The following FCN1 variants were observed in gnomAD, a reference collection of about 807,000 sequenced individuals.
FCN1 encodes ficolin-1.
In FCN1, 42 loss-of-function variants were observed where a neutral mutation model predicts 35.6. That is an observed-to-expected ratio of 1.18 (90% CI 0.92 to 1.53). The LOEUF (loss-of-function observed/expected upper bound fraction) is 1.53, where lower values mean the gene tolerates loss of function less well. FCN1 is among the 40% of genes most tolerant of loss of function. The pLI is 0.00. For missense variants in FCN1, 439 were observed against 428.4 expected, an observed-to-expected ratio of 1.02 and a Z score of -0.22; for synonymous variants, 179 against 169.8, an observed-to-expected ratio of 1.05 and a Z score of -0.42.
At position 134,907,134 on chromosome 9, in the gene FCN1, T is replaced by A. The variant is rs1588653802; in HGVS notation, c.*2664A>T. ...TATATTTATATTAATCATATTTATA[T>A]TTTATATTTATACTAATCATTTCTA... On this transcript the variant is annotated 3_prime_UTR_variant, in exon 9 of 9. Transcript: ENST00000371806. 6.6e-6 allele frequency: 1 copy of A among 152,144 alleles called. No homozygotes were observed. Among genetic ancestry groups the A allele is most frequent in the South Asian group, 2.1e-4 (1 of 4,834 alleles). The allele number at this position is 152,144 out of a possible 1,614,324, so 9.4% of individuals were successfully genotyped here. A position where few individuals can be genotyped will look rare whatever the true frequency, so the allele number is the denominator to read the frequency against.
At position 134,913,613 on chromosome 9, in the gene FCN1, C is replaced by T. The variant is rs1237445092; in HGVS notation, c.308G>A (p.Gly103Glu). The T allele has an allele frequency of 6.2e-7, 1 of 1,605,606 alleles. No homozygotes were observed. The highest frequency in any genetic ancestry group is 2.2e-5 in the East Asian group (1 of 44,754). Residue 103 changes from glycine (G) to glutamate (E), a missense_variant and splice_region_variant, in exon 5 of 9, where the codon GGA (glycine) becomes GAA (glutamate). Transcript: ENST00000371806. ...RGEKGMRGEK[G>E]DAGQSQSCAT... is the part of the protein sequence containing the mutation. ...ACACGACTGAGACTGCCCAGCGTCT[C>T]CTGTGTGGGGAGAGGAGACACTTGT...
rs1831019180 is a variant in FCN1, at chr9:134,911,223, G to T, written c.643C>A (p.His215Asn). Residue 215 changes from histidine to asparagine, a missense_variant, in exon 8 of 9, where the codon CAC (histidine) becomes AAC (asparagine). Transcript: ENST00000371806. ...RVDLVDFEGN[H>N]QFAKYKSFKV... Reference sequence around the variant, plus strand: ...AATGATTTGTACTTAGCAAACTGGTGGTTGCCCTCAAAGTCCACCAGGTCT... The same window carrying T: ...AATGATTTGTACTTAGCAAACTGGTTGTTGCCCTCAAAGTCCACCAGGTCT... The T allele has an allele frequency of 6.2e-7, 1 of 1,611,658 alleles. No individual in the cohort carries two copies. Among genetic ancestry groups the T allele is most frequent in the East Asian group, 2.2e-5 (1 of 44,694 alleles).
At position 134,910,004 on chromosome 9, in the gene FCN1, T is replaced by C. The variant is rs2118933660; in HGVS notation, c.775A>G (p.Lys259Glu). The change falls in exon 9 of 9, where the codon AAA (lysine) becomes GAA (glutamate). Residue 259 changes from lysine to glutamate, a missense_variant. Transcript: ENST00000371806. Reference sequence around the variant, plus strand: ...GAACTCACATCATTGTCTTGGTCTTTGGTGGAGAAGAAGTTGTTGTTGTGG... The same window carrying C: ...GAACTCACATCATTGTCTTGGTCTTCGGTGGAGAAGAAGTTGTTGTTGTGG... ...TGHNNNFFST[K>E]DQDNDVSSSN... The C allele has an allele frequency of 1.2e-6, 2 of 1,614,108 alleles. No individual in the cohort carries two copies. Among genetic ancestry groups the C allele is most frequent in the African/African-American group, 1.3e-5 (1 of 75,026 alleles).
At position 134,905,316 on chromosome 9, in the gene FCN1, A is replaced by G. The variant is rs115734399; in HGVS notation, c.*4482T>C. On this transcript the variant is annotated 3_prime_UTR_variant, in exon 9 of 9. Transcript: ENST00000371806. ...GCCCACGCCTACACTCCTACTTGAG[A>G]GGTCCCATGGCCAGGAAGAAGAGCA... is the stretch of plus-strand genomic sequence containing the variant. Among the ~76,000 whole-genome samples the G allele has an allele frequency of 2.0e-3, 312 of 152,338 alleles. 2 individuals are homozygous for G. The highest frequency in any genetic ancestry group is 7.3e-3 in the African/African-American group (305 of 41,574).
At chr9:134,911,004 G>C (rs1037696647) in intron 8 of FCN1, 129 bp downstream of exon 8, 1 of 971,934 alleles carries the variant, frequency 1.0e-6, no homozygotes, top group African/African-American at 1.6e-5. Flanking sequence ...ACAAATGCTA[G>C]TGTCTGCTTC....
At chr9:134,917,621 C>A (rs1240563726) in intron 1 of FCN1, 148 bp downstream of exon 1, 1 of 599,090 alleles carries the variant, frequency 1.7e-6, no homozygotes, top group Non-Finnish European at 3.1e-6. Context: ...CTGCCCTGAG[C>A]CTCCATGTCC....
At position 134,905,379 on chromosome 9, in the gene FCN1, C is replaced by T. The variant is rs1322166788; in HGVS notation, c.*4419G>A. Among the ~76,000 whole-genome samples, 1 of 152,240 alleles carries T rather than the reference C, an allele frequency of 6.6e-6. No homozygotes were observed. The highest frequency in any genetic ancestry group is 2.4e-5 in the African/African-American group (1 of 41,464). ...GAGGAGGGCTTGATTTCTTTTCACC[C>T]ATTCAGCTTTATCCCTCAAATCACA... is the stretch of plus-strand genomic sequence containing the variant. On this transcript the variant is annotated 3_prime_UTR_variant, in exon 9 of 9. Transcript: ENST00000371806.
In FCN1 at chr9:134,906,232, T is replaced by A. The variant is rs1320886490; in HGVS notation, c.*3566A>T. ...CTAGGATTACAGGCGTGAGCCACTG[T>A]GCCCAGCCTGCTTTGCTTCTTAAAA... On this transcript the variant is annotated 3_prime_UTR_variant, in exon 9 of 9. Coordinates refer to ENST00000371806, the MANE Select transcript of FCN1 (RefSeq NM_002003.5). 1 of 152,060 alleles carries A rather than the reference T, an allele frequency of 6.6e-6. No individual in the cohort carries two copies. Among genetic ancestry groups the A allele is most frequent in the Non-Finnish European group, 1.5e-5 (1 of 68,026 alleles). 9.4% of individuals were successfully genotyped at this position (152,060 alleles called of 1,614,324 possible). A position where few individuals can be genotyped will look rare whatever the true frequency, so the allele number is the denominator to read the frequency against.
In FCN1 at chr9:134,909,047, A is replaced by G; in HGVS notation, c.*751T>C. The G allele has an allele frequency of 2.5e-6, 1 of 405,856 alleles. No homozygotes were observed. Among genetic ancestry groups the G allele is most frequent in the Non-Finnish European group, 4.4e-6 (1 of 226,898 alleles). The allele number at this position is 405,856 out of a possible 1,614,324, so 25.1% of individuals were successfully genotyped here. ...TGGGAGCTGGAGAAGCCCCTTCTCC[A>G]TCATCTCCTAGAAGCCTTGTGCAGC... On this transcript the variant is annotated 3_prime_UTR_variant, in exon 9 of 9. Coordinates refer to ENST00000371806, the MANE Select transcript of FCN1 (RefSeq NM_002003.5).
At chr9:134,912,367 GT>G in intron 7 of FCN1, 118 bp downstream of exon 7, 1 of 1,044,174 alleles carries the variant, frequency 9.6e-7, no homozygotes, top group Non-Finnish European at 1.4e-6. Context: ...TGCCACCTGA[GT>G]GTGCTCAGGG....
rs1212410661 is a variant in FCN1 at position 134,912,163 on chromosome 9, G to C, written c.598+323C>G. Reference sequence around the variant, plus strand: ...CCATGGGACTAAGATGCCAGCTTCAGAGGCAGATCAACAGCTGGAGATGGG... The same window carrying C: ...CCATGGGACTAAGATGCCAGCTTCACAGGCAGATCAACAGCTGGAGATGGG... On this transcript the variant is annotated intron_variant, in intron 7 of 8. Transcript: ENST00000371806. Among the ~76,000 whole-genome samples the C allele has an allele frequency of 2.0e-5, 3 of 152,170 alleles. No individual in the cohort carries two copies. The East Asian group carries it at 5.8e-4, about 29-fold the overall frequency.
Position 134,914,368 on chromosome 9 carries a change from G to A in FCN1, c.307+17C>T. 1.2e-6 allele frequency: 2 copies of A among 1,613,006 alleles called. No individual in the cohort carries two copies. The highest frequency in any genetic ancestry group is 1.7e-6 in the Non-Finnish European group (2 of 1,178,964). ...AAAGCCTGCAGAGACAACTGCCTGG[G>A]CCCACGGGTGGCTCACCTTTCTCTC... On this transcript the variant is annotated intron_variant, in intron 4 of 8. Transcript: ENST00000371806.
Position 134,909,390 on chromosome 9 carries a change from GT to G in FCN1, c.*407del. 1 of 1,290,098 alleles carries G rather than the reference GT, an allele frequency of 7.8e-7. No homozygotes were observed. Among genetic ancestry groups the G allele is most frequent in the Non-Finnish European group, 1.0e-6 (1 of 988,954 alleles). The allele number at this position is 1,290,098 out of a possible 1,614,324, so 79.9% of individuals were successfully genotyped here. On this transcript the variant is annotated 3_prime_UTR_variant, in exon 9 of 9. Transcript: ENST00000371806. Reference sequence around the variant, plus strand: ...TGGGGGTGGAGGTGAGGATCGCCCTGTGTCAATTACTGGAGGTGGAAAATCC... The same window carrying G: ...TGGGGGTGGAGGTGAGGATCGCCCTGGTCAATTACTGGAGGTGGAAAATCC...
At position 134,909,554 on chromosome 9, in the gene FCN1, G is replaced by A; in HGVS notation, c.*244C>T. 4 of 1,428,650 alleles carry A rather than the reference G, an allele frequency of 2.8e-6. No individual in the cohort carries two copies. Among genetic ancestry groups the A allele is most frequent in the South Asian group, 2.4e-5 (2 of 82,310 alleles). 88.5% of individuals were successfully genotyped at this position (1,428,650 alleles called of 1,614,324 possible). A position where few individuals can be genotyped will look rare whatever the true frequency, so the allele number is the denominator to read the frequency against. On this transcript the variant is annotated 3_prime_UTR_variant, in exon 9 of 9. Coordinates refer to ENST00000371806, the MANE Select transcript of FCN1 (RefSeq NM_002003.5). ...CAGGAAAGTGATCAAAACCACTGGT[G>A]TTCAAGAAACACACATTGAAACTGG...
In FCN1 at chr9:134,911,185, G is replaced by C. The variant is rs145090957; in HGVS notation, c.681C>G (p.Asp227Glu). 1.7e-5 allele frequency: 27 copies of C among 1,613,960 alleles called. No individual in the cohort carries two copies. Among genetic ancestry groups the C allele is most frequent in the East Asian group, 1.6e-4 (7 of 44,886 alleles). ...FAKYKSFKVA[D>E]EAEKYKLVLG... ...GTACCAGCTTGTACTTCTCTGCCTC[G>C]TCAGCCACCTTGAATGATTTGTACT... Residue 227 changes from aspartate to glutamate, a missense_variant, in exon 8 of 9, where the codon GAC (aspartate) becomes GAG (glutamate). Transcript: ENST00000371806.
rs1277671113 is a variant in FCN1, at chr9:134,909,731, C to T, written c.*67G>A. 6.3e-7 allele frequency: 1 copy of T among 1,599,608 alleles called. No individual in the cohort carries two copies. Among genetic ancestry groups the T allele is most frequent in the South Asian group, 1.1e-5 (1 of 90,186 alleles). On this transcript the variant is annotated 3_prime_UTR_variant, in exon 9 of 9. Coordinates refer to ENST00000371806, the MANE Select transcript of FCN1 (RefSeq NM_002003.5). The stretch of plus-strand genomic sequence containing the variant: ...TCTGGCTGGGGAAATGGGGTGACTT[C>T]CACGACGCAGCGCTTGTGGGTGTGG...
rs768011967 is a variant in FCN1 at position 134,912,481 on chromosome 9, C to T, written c.598+5G>A. 8 of 1,613,590 alleles carry T rather than the reference C, an allele frequency of 5.0e-6. No individual in the cohort carries two copies. Among genetic ancestry groups the T allele is most frequent in the Non-Finnish European group, 8.5e-7 (1 of 1,179,716 alleles). ...CCAACCCCTGAGCCACGGCAGTGGC[C>T]CTACCCTGGGCAGTCAGGGCGTGGA... is the stretch of plus-strand genomic sequence containing the variant. On this transcript the variant is annotated splice_donor_5th_base_variant and intron_variant, in intron 7 of 8. Transcript: ENST00000371806.
chr9:134,911,252 C>A lies in FCN1; in HGVS notation c.614G>T (p.Arg205Leu). 3.7e-6 allele frequency: 6 copies of A among 1,614,026 alleles called. No individual in the cohort carries two copies. The highest frequency in any genetic ancestry group is 5.1e-6 in the Non-Finnish European group (6 of 1,179,948). Residue 205 changes from arginine to leucine, a missense_variant, in exon 8 of 9, where the codon CGT becomes CTT. Physicochemically the swap from Arg to Leu is moderately radical, Grantham distance 102. Coordinates refer to ENST00000371806, the MANE Select transcript of FCN1 (RefSeq NM_002003.5). ...GCCCTCAAAGTCCACCAGGTCTACACGGAGCTCGCTGCTTCCTGTTGGAAA... is the reference window on the plus strand; with the variant it reads ...GCCCTCAAAGTCCACCAGGTCTACAAGGAGCTCGCTGCTTCCTGTTGGAAA... ...ALTAQGSSEL[R>L]VDLVDFEGNH...
At position 134,911,191 on chromosome 9, in the gene FCN1, C is replaced by T. The variant is rs199523246; in HGVS notation, c.675G>A (p.Val225=). Residue 225 remains valine, a synonymous_variant, in exon 8 of 9, where the codon GTG becomes GTA. Coordinates refer to ENST00000371806, the MANE Select transcript of FCN1 (RefSeq NM_002003.5). ...HQFAKYKSFK[V]ADEAEKYKLV... is the part of the protein sequence containing the mutation. The stretch of plus-strand genomic sequence containing the variant: ...GCTTGTACTTCTCTGCCTCGTCAGC[C>T]ACCTTGAATGATTTGTACTTAGCAA... The T allele has an allele frequency of 1.4e-5, 22 of 1,614,168 alleles. No individual in the cohort carries two copies. The Admixed American group carries it at 2.5e-4, about 18-fold the overall frequency.
Sources: allele counts gnomAD v4.1 joint callset (sites outside exome capture counted in the v4.1 genomes callset), GRCh38; gene constraint gnomAD v4.1.1; transcripts MANE v1.5; gene names NCBI Gene and HGNC (gene_info 2026-07-23, HGNC 2026-07-21).